Variants in WDR72 observed in about 807,000 individuals in gnomAD.
The protein encoded by WDR72 is WD repeat domain 72.
A neutral mutation model predicts 124.2 loss-of-function variants in WDR72; 120 were observed. The ratio of observed to expected loss-of-function variants is 0.97; its 90% CI spans 0.83 to 1.12. WDR72 has a LOEUF of 1.12. Among genes scored for constraint, WDR72 ranks in the 50% most tolerant of loss-of-function variants. The pLI, the probability that WDR72 is intolerant of heterozygous loss-of-function variation, is 0.00. For synonymous variants in WDR72, 452 were observed against 441.7 expected (o/e 1.02, Z -0.29); for missense variants, 1,387 against 1,278.8 (o/e 1.08, Z -1.29).
At chr15:53,606,166 A>T (rs1238712321) in intron 17 of WDR72, among the ~76,000 whole-genome samples, 1 of 152,206 alleles carries the variant, frequency 6.6e-6, no homozygotes, top group East Asian at 1.9e-4. Flanking sequence ...ATGACATTAA[A>T]GTTTATTTGA....
At chr15:53,602,752 C>G (rs2140348061) in intron 17 of WDR72, among the ~76,000 whole-genome samples, 1 of 152,008 alleles carries the variant, frequency 6.6e-6, no homozygotes, top group South Asian at 2.1e-4. Flanking sequence ...AGATAAATTC[C>G]TGGACACATG....
chr15:53,542,994 C>G (rs1394732819), intron 18 of WDR72, among the ~76,000 whole-genome samples: 2 of 151,912 alleles, frequency 1.3e-5, no homozygotes, highest in Non-Finnish European at 2.9e-5. Context: ...ATTCGTAAAG[C>G]AAGTCCTGAG....
chr15:53,609,895 C>G lies in WDR72; in HGVS notation c.2873-303G>C, dbSNP rs191121076. On this transcript the variant is annotated intron_variant, in intron 16 of 19. Coordinates refer to ENST00000360509, the MANE Select transcript of WDR72 (RefSeq NM_182758.4). The stretch of plus-strand genomic sequence containing the variant: ...TTTATATGTAATTCTAACAATTATA[C>G]TAACACATATTCACATCAAATCAAA... 3.9e-5 allele frequency among the ~76,000 whole-genome samples: 6 copies of G among 151,978 alleles called. No homozygotes were observed. The East Asian group carries it at 1.2e-3, about 29-fold the overall frequency.
intron 18 of WDR72, among the ~76,000 whole-genome samples, chr15:53,539,946 C>A (rs1289131253): frequency 6.6e-6 from 1 of 151,860 alleles, no homozygotes; most frequent in African/African-American, 2.4e-5. Flanking sequence ...AAAGGATAGA[C>A]AGGATATAAA....
chr15:53,530,267 T>G (rs1595733386), intron 18 of WDR72, among the ~76,000 whole-genome samples: 1 of 151,634 alleles, frequency 6.6e-6, no homozygotes, highest in Admixed American at 6.6e-5. Flanking sequence ...AAGAAGTTAA[T>G]TGGTCATATC....
intron 14 of WDR72, among the ~76,000 whole-genome samples, chr15:53,645,543 TC>T (rs559649741): frequency 5.8e-4 from 89 of 152,282 alleles, no homozygotes; most frequent in African/African-American, 2.1e-3. Context: ...ATGAAGGGTG[TC>T]ATTTACTGTG....
intron 14 of WDR72, among the ~76,000 whole-genome samples, chr15:53,640,025 T>C (rs764462188): frequency 6.6e-6 from 1 of 152,204 alleles, no homozygotes; most frequent in Non-Finnish European, 1.5e-5. Context: ...TGCTGAAATA[T>C]AATGGTTGAA....
chr15:53,615,950 T>C lies in WDR72; in HGVS notation c.2256A>G (p.Gln752=), dbSNP rs779849685. ...LAKPITESLA[Q]GDNTIKFSEE... Reference sequence around the variant, plus strand: ...CTGAGAATTTGATGGTATTATCTCCTTGGGCCAGGCTTTCAGTAATAGGCT... The same window carrying C: ...CTGAGAATTTGATGGTATTATCTCCCTGGGCCAGGCTTTCAGTAATAGGCT... The change falls in exon 15 of 20, where the codon CAA becomes CAG. Residue 752 remains glutamine (Q), a synonymous_variant. Transcript: ENST00000360509. The C allele has an allele frequency of 6.8e-6, 11 of 1,613,452 alleles. No homozygotes were observed. Among genetic ancestry groups the C allele is most frequent in the Middle Eastern group, 1.7e-4 (1 of 6,054 alleles).
At chr15:53,666,489 T>G (rs773886657) in intron 13 of WDR72, among the ~76,000 whole-genome samples, 3 of 152,158 alleles carry the variant, frequency 2.0e-5, no homozygotes, top group Non-Finnish European at 4.4e-5. Context: ...TAAAATACAA[T>G]GCCATACACT....
In WDR72 at chr15:53,615,637, AG is replaced by A; in HGVS notation, c.2568del (p.Tyr857IlefsTer4). On this transcript the variant is annotated frameshift_variant, in exon 15 of 20. Coordinates refer to ENST00000360509, the MANE Select transcript of WDR72 (RefSeq NM_182758.4). LOFTEE classifies it high-confidence loss of function. ...CTGGAAAATAAATTTACTCCTGAAT[AG>A]TCTTTTATCATTCCACTATTGCATA... ...WDLCNSGMIK[D>X]YSGVNLFSRK... The A allele has an allele frequency of 6.2e-7, 1 of 1,612,442 alleles. No individual in the cohort carries two copies. The highest frequency in any genetic ancestry group is 8.5e-7 in the Non-Finnish European group (1 of 1,179,006).
chr15:53,702,233 A>G lies in WDR72; in HGVS notation c.1470T>C (p.Cys490=), dbSNP rs760283962. Residue 490 remains cysteine, a synonymous_variant, in exon 12 of 20, where the codon TGT becomes TGC. Coordinates refer to ENST00000360509, the MANE Select transcript of WDR72 (RefSeq NM_182758.4). ...SWMLSGDLDS[C]VILWDIFTEE... is the part of the protein sequence containing the mutation. Reference sequence around the variant, plus strand: ...CAGTAAAGATATCCCACAAGATCACACATGAGTCCAGGTCCCCAGACAACA... The same window carrying G: ...CAGTAAAGATATCCCACAAGATCACGCATGAGTCCAGGTCCCCAGACAACA... The G allele has an allele frequency of 6.2e-7, 1 of 1,614,170 alleles. No homozygotes were observed. Among genetic ancestry groups the G allele is most frequent in the East Asian group, 2.2e-5 (1 of 44,866 alleles).
intron 1 of WDR72, among the ~76,000 whole-genome samples, chr15:53,757,688 T>C (rs1489902998): frequency 1.3e-5 from 2 of 152,188 alleles, no homozygotes; most frequent in Non-Finnish European, 2.9e-5. Context: ...GGACATCCTC[T>C]ATTGTGAGCA....
chr15:53,562,762 C>G (rs1053912308), intron 18 of WDR72, among the ~76,000 whole-genome samples: 1 of 151,810 alleles, frequency 6.6e-6, no homozygotes, highest in Non-Finnish European at 1.5e-5. Context: ...GATAAATGGA[C>G]TTCAGCATTC....
intron 2 of WDR72, among the ~76,000 whole-genome samples, chr15:53,731,716 A>T (rs746371197): frequency 1.3e-5 from 2 of 151,926 alleles, no homozygotes; most frequent in African/African-American, 2.4e-5. Context: ...GTGCCACAGT[A>T]GCCAGTTTTT....
At chr15:53,749,115 G>C (rs2018712601) in intron 1 of WDR72, among the ~76,000 whole-genome samples, 1 of 152,110 alleles carries the variant, frequency 6.6e-6, no homozygotes, top group African/African-American at 2.4e-5. Context: ...AATTGGGAAG[G>C]ATTTCCCCCA....
chr15:53,616,531 T>C (rs2013773980), intron 14 of WDR72, among the ~76,000 whole-genome samples: 1 of 152,004 alleles, frequency 6.6e-6, no homozygotes, highest in African/African-American at 2.4e-5. Context: ...TCCTTTAATA[T>C]AGACTCTCAT....
chr15:53,613,608 T>C, intron 16 of WDR72, 58 bp downstream of exon 16: 3 of 1,081,550 alleles, frequency 2.8e-6, no homozygotes, highest in African/African-American at 3.4e-5. Context: ...GAAAGACTAG[T>C]TATGTCCTTT....
chr15:53,665,215 T>C (rs2015736041), intron 14 of WDR72, among the ~76,000 whole-genome samples: 1 of 152,082 alleles, frequency 6.6e-6, no homozygotes, highest in South Asian at 2.1e-4. Context: ...TTTTGTTTAT[T>C]TTCAATCAGC....
intron 19 of WDR72, among the ~76,000 whole-genome samples, chr15:53,522,582 A>G (rs1906416): frequency 0.05 from 7,560 of 152,166 alleles, 424 homozygotes; most frequent in African/African-American, 0.14. Context: ...ATAGAAACAG[A>G]AATCCTTGTA....
Sources: gnomAD v4.1 joint callset for allele counts (sites outside exome capture counted in the v4.1 genomes callset) on GRCh38, gnomAD v4.1.1 for gene constraint, MANE v1.5 for transcripts, NCBI Gene and HGNC (gene_info 2026-07-23, HGNC 2026-07-21) for gene names.